PLCB4: variants seen among roughly 807,000 people sequenced by gnomAD.
PLCB4 encodes phospholipase C beta 4, also known as 1-phosphatidylinositol 4,5-bisphosphate phosphodiesterase beta-4.
Under a neutral mutation model 178.8 loss-of-function variants are expected in PLCB4, and 77 were observed. The observed-to-expected ratio is 0.43, with a 90% CI of 0.36 to 0.52. The LOEUF is 0.52. Among genes scored for constraint, PLCB4 ranks in the 20% least tolerant of loss-of-function variants. PLCB4 has a pLI of 0.00. For synonymous variants in PLCB4, 496 were observed against 490.8 expected (o/e 1.01, Z -0.14); for missense variants, 1,024 against 1,453.4 (o/e 0.70, Z 4.80).
chr20:9,071,777 A>G (rs571442470), intron 1 of PLCB4, among the ~76,000 whole-genome samples: 2 of 152,304 alleles, frequency 1.3e-5, no homozygotes, highest in South Asian at 2.1e-4. Flanking sequence ...ATAGTAAACT[A>G]TTTTTGAGGA....
chr20:9,460,646 G>A lies in PLCB4; in HGVS notation c.3248+836G>A, dbSNP rs935162485. ...TCATAGCTCGGTTGCAGCTTGCTTG[G>A]TTCTCACTTAGTGCCTACCGTATGC... On this transcript the variant is annotated intron_variant, in intron 35 of 39. Transcript: ENST00000378473. Among the ~76,000 whole-genome samples, 12 of 152,282 alleles carry A rather than the reference G, an allele frequency of 7.9e-5. 1 individual carries two copies. The highest frequency in any genetic ancestry group is 7.2e-4 in the Admixed American group (11 of 15,302).
chr20:9,437,125 C>T lies in PLCB4; in HGVS notation c.2737C>T (p.Leu913=), dbSNP rs1297119473. Residue 913 remains leucine, a synonymous_variant, in exon 30 of 40, where the codon CTG becomes TTG. Coordinates refer to ENST00000378473, the MANE Select transcript of PLCB4 (RefSeq NM_001377142.1). ...GCTCAGACCAACCACCACGGCTGCC[C>T]TGGCCTCTGGTGTGGAAGCCAAGAA... ...SELRPTTTAA[L]ASGVEAKKGI... is the part of the protein sequence containing the mutation. 6.2e-7 allele frequency: 1 copy of T among 1,614,086 alleles called. No individual in the cohort carries two copies. Among genetic ancestry groups the T allele is most frequent in the Admixed American group, 1.7e-5 (1 of 60,028 alleles).
rs191028716 is a variant in PLCB4 at position 9,302,328 on chromosome 20, T to C, written c.-15-5472T>C. Among the ~76,000 whole-genome samples the C allele has an allele frequency of 1.8e-3, 278 of 152,268 alleles. 2 individuals are homozygous for C. The highest frequency in any genetic ancestry group is 6.5e-3 in the Admixed American group (100 of 15,278). On this transcript the variant is annotated intron_variant, in intron 3 of 39. Coordinates refer to ENST00000378473, the MANE Select transcript of PLCB4 (RefSeq NM_001377142.1). Reference sequence around the variant, plus strand: ...GTCACTGGGACTATAATGTGTACCTTCGTTTGTTCCCATTTTAAATCAATT... The same window carrying C: ...GTCACTGGGACTATAATGTGTACCTCCGTTTGTTCCCATTTTAAATCAATT...
chr20:9,296,136 A>G (rs1401103505), intron 3 of PLCB4, among the ~76,000 whole-genome samples: 1 of 152,210 alleles, frequency 6.6e-6, no homozygotes, highest in Non-Finnish European at 1.5e-5. Flanking sequence ...TCCAGAATCT[A>G]CAACGAACTC....
At chr20:9,284,682 A>G (rs1433760894) in intron 3 of PLCB4, among the ~76,000 whole-genome samples, 1 of 151,980 alleles carries the variant, frequency 6.6e-6, no homozygotes, top group Non-Finnish European at 1.5e-5. Context: ...AATCATCAGT[A>G]TCTATGACAT....
At chr20:9,240,919 C>A (rs1333089870) in intron 3 of PLCB4, among the ~76,000 whole-genome samples, 1 of 152,132 alleles carries the variant, frequency 6.6e-6, no homozygotes, top group Non-Finnish European at 1.5e-5. Flanking sequence ...CACACCAGAA[C>A]TTTGTTACTG....
intron 2 of PLCB4, among the ~76,000 whole-genome samples, chr20:9,100,881 C>T (rs1241796604): frequency 6.6e-6 from 1 of 152,174 alleles, no homozygotes; most frequent in Non-Finnish European, 1.5e-5. Context: ...TGACCATCTG[C>T]ATCATCTCGA....
At chr20:9,238,510 A>G (rs1268741426) in intron 3 of PLCB4, among the ~76,000 whole-genome samples, 1 of 152,110 alleles carries the variant, frequency 6.6e-6, no homozygotes, top group African/African-American at 2.4e-5. Context: ...CAGTCTTATC[A>G]TTTGAGTCCT....
rs933957955 is a variant in PLCB4, at chr20:9,304,496, A to G, written c.-15-3304A>G. ...ATAAATATATTAAGAGAGAGAATAAATATCATTAAGTACTGTTATTTAAAT... is the reference window on the plus strand; with the variant it reads ...ATAAATATATTAAGAGAGAGAATAAGTATCATTAAGTACTGTTATTTAAAT... On this transcript the variant is annotated intron_variant, in intron 3 of 39. Coordinates refer to ENST00000378473, the MANE Select transcript of PLCB4 (RefSeq NM_001377142.1). Among the ~76,000 whole-genome samples, 3 of 152,324 alleles carry G rather than the reference A, an allele frequency of 2.0e-5. No homozygotes were observed. In the East Asian group the frequency reaches 5.8e-4, roughly 29 times the overall value.
At chr20:9,378,129 G>T (rs571737569) in intron 12 of PLCB4, among the ~76,000 whole-genome samples, 1 of 152,128 alleles carries the variant, frequency 6.6e-6, no homozygotes, top group African/African-American at 2.4e-5. Context: ...TCTGAGTTCT[G>T]TCTCCTTTCC....
At chr20:9,361,269 G>A (rs531125623) in intron 7 of PLCB4, among the ~76,000 whole-genome samples, 15 of 152,284 alleles carry the variant, frequency 9.9e-5, no homozygotes, top group Middle Eastern at 3.4e-3. Flanking sequence ...TCCATCAGAG[G>A]TGAATGGATG....
intron 2 of PLCB4, among the ~76,000 whole-genome samples, chr20:9,116,134 CGT>C (rs1035628148): frequency 3.3e-5 from 5 of 151,074 alleles, no homozygotes; most frequent in Admixed American, 6.6e-5. Context: ...ATATTGTATC[CGT>C]GTGTGTGTGC....
At chr20:9,380,252 C>G (rs1464234929) in intron 13 of PLCB4, 90 bp downstream of exon 13, 2 of 639,900 alleles carry the variant, frequency 3.1e-6, no homozygotes, top group Non-Finnish European at 5.5e-6. Flanking sequence ...TCTGTAAATG[C>G]TTTGCAACTC....
chr20:9,295,742 A>T (rs565190875), intron 3 of PLCB4, among the ~76,000 whole-genome samples: 4 of 152,186 alleles, frequency 2.6e-5, no homozygotes, highest in Non-Finnish European at 4.4e-5. Context: ...GATATGCGGC[A>T]TTATTTCTGA....
Position 9,421,478 on chromosome 20 carries a change from A to T in PLCB4, c.2319+17A>T, listed in dbSNP as rs776146731. Reference sequence around the variant, plus strand: ...TTTCGGAAGGTAGGACATTTTCAGCACGTCAAACTTACTCTAATAACTTGG... The same window carrying T: ...TTTCGGAAGGTAGGACATTTTCAGCTCGTCAAACTTACTCTAATAACTTGG... On this transcript the variant is annotated intron_variant, in intron 27 of 39. Coordinates refer to ENST00000378473, the MANE Select transcript of PLCB4 (RefSeq NM_001377142.1). 4 of 1,605,278 alleles carry T rather than the reference A, an allele frequency of 2.5e-6. No individual in the cohort carries two copies. The highest frequency in any genetic ancestry group is 3.4e-6 in the Non-Finnish European group (4 of 1,173,150).
chr20:9,279,164 A>G (rs2094473754), intron 3 of PLCB4, among the ~76,000 whole-genome samples: 1 of 152,118 alleles, frequency 6.6e-6, no homozygotes, highest in Non-Finnish European at 1.5e-5. Flanking sequence ...GACAGATTAC[A>G]AAGTTAAACC....
chr20:9,356,616 A>C lies in PLCB4; in HGVS notation c.370-6280A>C, dbSNP rs576768343. Among the ~76,000 whole-genome samples, 8 of 152,334 alleles carry C rather than the reference A, an allele frequency of 5.3e-5. 1 individual carries two copies. The South Asian group carries it at 1.7e-3, about 32-fold the overall frequency. ...TTTGAAAAGCTTCATAGTTTGCTCC[A>C]AGTGCATGGAAATGTGTCTTATTTC... On this transcript the variant is annotated intron_variant, in intron 7 of 39. Transcript: ENST00000378473.
intron 7 of PLCB4, among the ~76,000 whole-genome samples, chr20:9,354,390 C>A (rs1446047801): frequency 6.6e-6 from 1 of 152,202 alleles, no homozygotes; most frequent in East Asian, 1.9e-4. Context: ...CACCTACACA[C>A]CCCCTTCAGT....
At position 9,326,025 on chromosome 20, in the gene PLCB4, GA is replaced by G. The variant is rs977077206; in HGVS notation, c.85-11098del. Among the ~76,000 whole-genome samples, 115 of 152,262 alleles carry G rather than the reference GA, an allele frequency of 7.6e-4. 1 individual carries two copies. The highest frequency in any genetic ancestry group is 2.3e-3 in the African/African-American group (97 of 41,536). ...CTTGCTGTGTCTTCACACGGTGGGTGAAAGGGGCAGCCGTCTCTCTGGATTC... is the reference window on the plus strand; with the variant it reads ...CTTGCTGTGTCTTCACACGGTGGGTGAAGGGGCAGCCGTCTCTCTGGATTC... On this transcript the variant is annotated intron_variant, in intron 4 of 39. Coordinates refer to ENST00000378473, the MANE Select transcript of PLCB4 (RefSeq NM_001377142.1).
Sources: gnomAD v4.1 joint callset for allele counts (sites outside exome capture counted in the v4.1 genomes callset) on GRCh38, gnomAD v4.1.1 for gene constraint, MANE v1.5 for transcripts, NCBI Gene and HGNC (gene_info 2026-07-23, HGNC 2026-07-21) for gene names.